TRPM2: variants seen among roughly 807,000 people sequenced by gnomAD.
TRPM2 encodes estrogen-responsive element-associated gene 1 protein.
TRPM2 carries 161 observed loss-of-function variants against 174.0 expected under a neutral mutation model. The observed-to-expected ratio is 0.93, with a 90% CI of 0.81 to 1.05. TRPM2 has a LOEUF of 1.05. Among genes scored for constraint, TRPM2 ranks in the 50% least tolerant of loss-of-function variants. TRPM2 has a pLI of 0.00. For missense variants in TRPM2, 2,057 were observed against 2,038.0 expected (o/e 1.01, Z -0.18); for synonymous variants, 954 against 861.3 (o/e 1.11, Z -1.88).
chr21:44,403,113 C>A lies in TRPM2; in HGVS notation c.2538+1216C>A, dbSNP rs571516722. On this transcript the variant is annotated intron_variant, in intron 16 of 31. Transcript: ENST00000397928. ...TTGCCACAGGGCTTCTGCCACCAGA[C>A]CCTCTCTACAAGGGGCCAGAGGCCT... is the stretch of plus-strand genomic sequence containing the variant. Among the ~76,000 whole-genome samples, 199 of 152,274 alleles carry A rather than the reference C, an allele frequency of 1.3e-3. 2 individuals are homozygous for A. Among genetic ancestry groups the A allele is most frequent in the South Asian group, 5.2e-3 (25 of 4,832 alleles).
At position 44,373,539 on chromosome 21, in the gene TRPM2, TCTGCATTATATGCGAC is replaced by T. The variant is rs60189992; in HGVS notation, c.772-2212_772-2197del. ...TCGAACAGTGAATCTCTTTTCATTT[TCTGCATTATATGCGAC>T]CTGCATTATATGCGACCTGCATTAT... On this transcript the variant is annotated intron_variant, in intron 5 of 31. Coordinates refer to ENST00000397928, the MANE Select transcript of TRPM2 (RefSeq NM_003307.4). 1.0e-2 allele frequency among the ~76,000 whole-genome samples: 1,451 copies of T among 145,752 alleles called. 41 individuals carry two copies. Among genetic ancestry groups the T allele is most frequent in the East Asian group, 0.017 (82 of 4,864 alleles).
chr21:44,436,326 C>T (rs1346602317), intron 28 of TRPM2, among the ~76,000 whole-genome samples: 1 of 152,160 alleles, frequency 6.6e-6, no homozygotes, highest in Admixed American at 6.5e-5. Context: ...CAGCTGGGAC[C>T]TCCCCCCAGC....
chr21:44,422,563 C>G, intron 22 of TRPM2: 1 of 1,150,192 alleles, frequency 8.7e-7, no homozygotes, highest in South Asian at 1.6e-5. Context: ...TTCTGTGTTA[C>G]TAAAATAGTT....
intron 19 of TRPM2, among the ~76,000 whole-genome samples, chr21:44,409,449 G>A (rs945665096): frequency 6.6e-6 from 1 of 152,176 alleles, no homozygotes; most frequent in Admixed American, 6.6e-5. Context: ...GTCTGTCCTT[G>A]TGCCAGAACC....
rs1180560554 is a variant in TRPM2, at chr21:44,421,981, G to GGCC, written c.3462-1661_3462-1659dup. ...GAGCCTGCAGAACGTGTTTCCGCTG[G>GGCC]GCCGCTGGCTGGTGTGCTGAGCTGT... On this transcript the variant is annotated intron_variant, in intron 22 of 31. Coordinates refer to ENST00000397928, the MANE Select transcript of TRPM2 (RefSeq NM_003307.4). Among the ~76,000 whole-genome samples, 4 of 152,324 alleles carry GGCC rather than the reference G, an allele frequency of 2.6e-5. No homozygotes were observed. In the East Asian group the frequency reaches 5.8e-4, roughly 22 times the overall value.
chr21:44,436,449 C>T (rs1207220986), intron 28 of TRPM2, among the ~76,000 whole-genome samples: 2 of 152,038 alleles, frequency 1.3e-5, no homozygotes, highest in Non-Finnish European at 2.9e-5. Flanking sequence ...CTCCCCAGTC[C>T]TTTGGCCTCT....
At chr21:44,418,942 C>T (rs1327915084) in intron 22 of TRPM2, among the ~76,000 whole-genome samples, 1 of 152,202 alleles carries the variant, frequency 6.6e-6, no homozygotes, top group Non-Finnish European at 1.5e-5. Flanking sequence ...ATTATAGCTT[C>T]TGCAGGACCT....
At chr21:44,359,563 G>GT (rs2146125311) in intron 2 of TRPM2, among the ~76,000 whole-genome samples, 1 of 150,466 alleles carries the variant, frequency 6.6e-6, no homozygotes, top group African/African-American at 2.4e-5. Flanking sequence ...GTGCCATCTG[G>GT]TTCAGGTTTC....
intron 16 of TRPM2, among the ~76,000 whole-genome samples, chr21:44,402,352 G>C (rs1470637051): frequency 6.6e-6 from 1 of 152,202 alleles, no homozygotes; most frequent in Non-Finnish European, 1.5e-5. Context: ...CAGGGGGAGG[G>C]ACGCAGCTGC....
chr21:44,379,730 C>G (rs1410505939), intron 8 of TRPM2, among the ~76,000 whole-genome samples: 1 of 152,324 alleles, frequency 6.6e-6, no homozygotes, highest in Admixed American at 6.5e-5. Flanking sequence ...CCGTGGTTGG[C>G]CAGCCCTGGC....
Position 44,437,064 on chromosome 21 carries a change from G to A in TRPM2, c.4064G>A (p.Trp1355Ter), listed in dbSNP as rs777365400. 4 of 1,550,344 alleles carry A rather than the reference G, an allele frequency of 2.6e-6. No homozygotes were observed. In the South Asian group the frequency reaches 4.8e-5, roughly 18 times the overall value. ...NHTLYPMVTR[W>*]RRNEDGAICR... ...AGCCATGGCCGCTCTCTCCGCAGGT[G>A]GAGGCGGAACGAGGATGGAGCCATC... The change falls in exon 29 of 32, where the codon TGG becomes TAG. Residue 1355 changes from tryptophan to a stop codon, truncating the protein, a stop_gained and splice_region_variant. Coordinates refer to ENST00000397928, the MANE Select transcript of TRPM2 (RefSeq NM_003307.4). LOFTEE classifies it high-confidence loss of function.
At position 44,391,431 on chromosome 21, in the gene TRPM2, A is replaced by G. The variant is rs368036354; in HGVS notation, c.1600A>G (p.Ser534Gly). The G allele has an allele frequency of 3.4e-5, 55 of 1,613,888 alleles. No individual in the cohort carries two copies. Among genetic ancestry groups the G allele is most frequent in the Admixed American group, 1.2e-4 (7 of 60,012 alleles). The change falls in exon 11 of 32, where the codon AGC (serine) becomes GGC (glycine). Residue 534 changes from serine to glycine, a missense_variant. Coordinates refer to ENST00000397928, the MANE Select transcript of TRPM2 (RefSeq NM_003307.4). This position sits in a 1 kb window ranked among gnomAD's most constrained non-coding sequence, Gnocchi z 5.0. ...CCTGGACCCCTCCTGCCTGTTCCAC[A>G]GCAAGCTGCAGAAGGTGCTGGTGGA... ...ENLDPSCLFH[S>G]KLQKVLVEDP... is the part of the protein sequence containing the mutation.
chr21:44,382,971 C>A, intron 9 of TRPM2, 151 bp downstream of exon 9: 1 of 720,532 alleles, frequency 1.4e-6, no homozygotes, highest in Non-Finnish European at 2.3e-6. Context: ...TGGCGACGTG[C>A]AGGTGGGCGC....
intron 9 of TRPM2, 59 bp from the exon 10 acceptor site, chr21:44,390,845 T>C: frequency 8.1e-6 from 13 of 1,608,458 alleles, no homozygotes; most frequent in Non-Finnish European, 1.1e-5. Context: ...ATCATTTCCC[T>C]GGAGGGAAAT....
intron 19 of TRPM2, among the ~76,000 whole-genome samples, chr21:44,409,283 A>T (rs1254868943): frequency 1.3e-5 from 2 of 152,186 alleles, no homozygotes; most frequent in Non-Finnish European, 2.9e-5. Flanking sequence ...GGTGTGCGGT[A>T]AGGGTCAGTC....
intron 7 of TRPM2, 112 bp downstream of exon 7, chr21:44,377,885 G>A (rs1229377750): frequency 6.5e-6 from 8 of 1,222,212 alleles, no homozygotes; most frequent in South Asian, 1.4e-5. Context: ...AGGGCGATGA[G>A]CTTTCCCACC....
chr21:44,435,316 G>T, intron 28 of TRPM2, 99 bp downstream of exon 28: 1 of 1,368,222 alleles, frequency 7.3e-7, no homozygotes, highest in Non-Finnish European at 1.0e-6. Flanking sequence ...GGCCGGGAGG[G>T]CGGCTTTGAT....
rs369833618 is a variant in TRPM2, at chr21:44,379,217, C to T, written c.1215+20C>T. ...AAAAAGGTGAGGCTGACGGGCACGA[C>T]GGTCACCAGCATGTGGCTGCTTTGC... On this transcript the variant is annotated intron_variant, in intron 8 of 31. Transcript: ENST00000397928. 26 of 1,608,234 alleles carry T rather than the reference C, an allele frequency of 1.6e-5. No individual in the cohort carries two copies. Among genetic ancestry groups the T allele is most frequent in the Admixed American group, 6.7e-5 (4 of 59,984 alleles).
At chr21:44,409,990 G>C (rs562021879) in intron 19 of TRPM2, among the ~76,000 whole-genome samples, 1 of 151,132 alleles carries the variant, frequency 6.6e-6, no homozygotes, top group Non-Finnish European at 1.5e-5. Context: ...CTTGGTTGGC[G>C]TAGCCTTGTA....
Sources: gnomAD v4.1 joint callset for allele counts (sites outside exome capture counted in the v4.1 genomes callset) on GRCh38, gnomAD v4.1.1 for gene constraint, Gnocchi (gnomAD v3.1) non-coding constraint, MANE v1.5 for transcripts, NCBI Gene and HGNC (gene_info 2026-07-23, HGNC 2026-07-21) for gene names.